Variants in PCDHA2 observed in about 807,000 individuals in gnomAD.
The protein encoded by PCDHA2 is protocadherin alpha 2.
Under a neutral mutation model 66.0 loss-of-function variants are expected in PCDHA2, and 58 were observed. The ratio of observed to expected loss-of-function variants is 0.88; its 90% CI spans 0.71 to 1.09. PCDHA2 has a LOEUF of 1.09. PCDHA2 is among the 50% of genes least tolerant of loss of function. PCDHA2 has a pLI of 0.00. For synonymous variants in PCDHA2, 634 were observed against 554.0 expected (o/e 1.14, Z -2.03); for missense variants, 1,267 against 1,242.3 (o/e 1.02, Z -0.30).
chr5:140,869,320 G>T, intron 1 of PCDHA2: 1 of 1,613,846 alleles, frequency 6.2e-7, no homozygotes, highest in Non-Finnish European at 8.5e-7. Context: ...AACACATGGG[G>T]ACCTTCTGGA....
intron 1 of PCDHA2, among the ~76,000 whole-genome samples, chr5:140,941,214 C>CCTTCCTTTCTTT (rs1554214040): frequency 1.6e-5 from 2 of 122,412 alleles, no homozygotes; most frequent in Non-Finnish European, 3.4e-5. Flanking sequence ...TTTCTTTCTT[C>CCTTCCTTTCTTT]CTTTCTTTCT....
At chr5:140,965,876 C>T (rs1416182822) in intron 1 of PCDHA2, among the ~76,000 whole-genome samples, 1 of 152,152 alleles carries the variant, frequency 6.6e-6, no homozygotes, top group African/African-American at 2.4e-5. Flanking sequence ...GCCACTTGGC[C>T]GAGAGCAGAA....
chr5:140,808,599 G>A (rs1554124647), intron 1 of PCDHA2: 4 of 1,613,792 alleles, frequency 2.5e-6, no homozygotes, highest in African/African-American at 1.3e-5. Context: ...AACCCGCCGG[G>A]CTGCCACATC....
intron 1 of PCDHA2, chr5:140,823,311 G>A (rs782814262): frequency 6.2e-7 from 1 of 1,612,232 alleles, no homozygotes; most frequent in Non-Finnish European, 8.5e-7. Flanking sequence ...TGCACGCGGA[G>A]AGCGGCAAGG....
At chr5:140,870,277 G>T (rs367959983) in intron 1 of PCDHA2, 4 of 1,614,168 alleles carry the variant, frequency 2.5e-6, no homozygotes, top group Non-Finnish European at 3.4e-6. Context: ...GACGCCCCAC[G>T]TTCCCTTCAA....
rs529382424 is a variant in PCDHA2 at position 140,924,810 on chromosome 5, G to A, written c.2389-54139G>A. 4.8e-4 allele frequency among the ~76,000 whole-genome samples: 73 copies of A among 151,660 alleles called. No homozygotes were observed. The South Asian group carries it at 9.2e-3, about 19-fold the overall frequency. ...CTTAGGAGGCTGAGGCAAGAGAATC[G>A]CTTGAACCTGGGAGGGGGAGGTTGC... On this transcript the variant is annotated intron_variant, in intron 1 of 3. Transcript: ENST00000526136.
chr5:140,891,399 C>T (rs979878059), intron 1 of PCDHA2, among the ~76,000 whole-genome samples: 12 of 151,644 alleles, frequency 7.9e-5, no homozygotes, highest in African/African-American at 2.4e-4. Context: ...TTTTATCCCT[C>T]GCCACCCCCC....
In PCDHA2 at chr5:140,856,944, G is replaced by C. The variant is rs1424566635; in HGVS notation, c.2388+59592G>C. Reference sequence around the variant, plus strand: ...AAATTTTGGATAAACGAAAGGACGGGAGAAATAAAAGTAAATGATGCTATT... The same window carrying C: ...AAATTTTGGATAAACGAAAGGACGGCAGAAATAAAAGTAAATGATGCTATT... On this transcript the variant is annotated intron_variant, in intron 1 of 3. Transcript: ENST00000526136. 8.8e-6 allele frequency: 14 copies of C among 1,593,558 alleles called. 1 individual carries two copies. The highest frequency in any genetic ancestry group is 1.3e-5 in the African/African-American group (1 of 74,212).
intron 1 of PCDHA2, chr5:140,801,381 C>A (rs782738715): frequency 6.8e-6 from 11 of 1,613,546 alleles, no homozygotes; most frequent in Non-Finnish European, 9.3e-6. Context: ...GCTGGTGCCG[C>A]GCCTGTTCCG....
At chr5:140,965,893 C>G (rs1173111476) in intron 1 of PCDHA2, among the ~76,000 whole-genome samples, 1 of 152,226 alleles carries the variant, frequency 6.6e-6, no homozygotes, top group Non-Finnish European at 1.5e-5. Context: ...AGAATTGAGT[C>G]TTGGATCCCA....
intron 1 of PCDHA2, chr5:140,884,248 G>T (rs1554181373): frequency 1.2e-6 from 2 of 1,613,458 alleles, no homozygotes; most frequent in East Asian, 4.5e-5. Flanking sequence ...CCGCGCTGAC[G>T]GCCACGGCAA....
At chr5:140,886,339 C>T (rs181002773) in intron 1 of PCDHA2, among the ~76,000 whole-genome samples, 87 of 151,982 alleles carry the variant, frequency 5.7e-4, no homozygotes, top group Non-Finnish European at 1.2e-3. Flanking sequence ...ATGTGCAGAA[C>T]GTGCAGGTTT....
chr5:140,871,134 C>T, intron 1 of PCDHA2: 1 of 1,613,414 alleles, frequency 6.2e-7, no homozygotes, highest in Non-Finnish European at 8.5e-7. Flanking sequence ...CGCCAAAGGC[C>T]TCTTCCCGGA....
chr5:140,894,649 T>C (rs1270978331), intron 1 of PCDHA2, among the ~76,000 whole-genome samples: 3 of 152,024 alleles, frequency 2.0e-5, no homozygotes, highest in African/African-American at 7.2e-5. Context: ...ACTGAGTCTC[T>C]CTAATTCTGA....
intron 1 of PCDHA2, chr5:140,802,711 C>G (rs528768034): frequency 2.5e-6 from 4 of 1,612,534 alleles, no homozygotes; most frequent in Admixed American, 3.3e-5. Context: ...CGCGCGCTGT[C>G]GAGCTACGTG....
At chr5:140,961,872 G>A (rs2095639337) in intron 1 of PCDHA2, among the ~76,000 whole-genome samples, 1 of 151,532 alleles carries the variant, frequency 6.6e-6, no homozygotes, top group Non-Finnish European at 1.5e-5. Flanking sequence ...ACAGATAATT[G>A]ACTTACTTAC....
intron 1 of PCDHA2, among the ~76,000 whole-genome samples, chr5:140,944,593 T>C (rs187929896): frequency 2.6e-5 from 4 of 152,318 alleles, no homozygotes; most frequent in African/African-American, 9.6e-5. Context: ...AGAATTTCCC[T>C]GGGTAGAGTA....
At chr5:140,914,439 T>A (rs1352001626) in intron 1 of PCDHA2, among the ~76,000 whole-genome samples, 2 of 152,310 alleles carry the variant, frequency 1.3e-5, no homozygotes, top group South Asian at 2.1e-4. Context: ...TCTTTTCCCA[T>A]GTCTTTATTT....
chr5:140,835,575 G>C (rs1554135076), intron 1 of PCDHA2: 3 of 1,613,752 alleles, frequency 1.9e-6, no homozygotes, highest in Non-Finnish European at 2.5e-6. Flanking sequence ...CTTCAAGTTG[G>C]TGTCCACCTT....
Sources: allele counts gnomAD v4.1 joint callset (sites outside exome capture counted in the v4.1 genomes callset), GRCh38; gene constraint gnomAD v4.1.1; transcripts MANE v1.5; gene names NCBI Gene and HGNC (gene_info 2026-07-23, HGNC 2026-07-21).